The following TRAPPC3L variants were observed in gnomAD, a reference collection of about 807,000 sequenced individuals.
TRAPPC3L encodes the protein trafficking protein particle complex subunit 3L.
In TRAPPC3L, 23 loss-of-function variants were observed where a neutral mutation model predicts 23.7. That is an observed-to-expected ratio of 0.97 (90% CI 0.70 to 1.37). The LOEUF (loss-of-function observed/expected upper bound fraction) is 1.37, where lower values mean the gene tolerates loss of function less well. Ranked by LOEUF, TRAPPC3L falls within the 40% of genes most tolerant of loss-of-function variation. The pLI is 0.00. For synonymous variants in TRAPPC3L, 81 were observed against 77.9 expected, an observed-to-expected ratio of 1.04 and a Z score of -0.21; for missense variants, 212 against 216.8, an observed-to-expected ratio of 0.98 and a Z score of 0.14.
rs532429144 is a variant in TRAPPC3L, at chr6:116,539,924, T to A, written c.240+439A>T. ...TATGAAAGTTCTTAGAACAAATATA[T>A]TTACAGGAAGTTCTGTTTTTCTCTT... On this transcript the variant is annotated intron_variant, in intron 3 of 4. Transcript: ENST00000368602. 2.0e-5 allele frequency among the ~76,000 whole-genome samples: 3 copies of A among 152,322 alleles called. No individual in the cohort carries two copies. In the South Asian group the frequency reaches 6.2e-4, roughly 32 times the overall value.
At chr6:116,515,984 A>G in intron 3 of TRAPPC3L, 1 of 1,587,270 alleles carries the variant, frequency 6.3e-7, no homozygotes, top group Non-Finnish European at 8.6e-7. Flanking sequence ...TGCCCACAAT[A>G]TGTAGCTCAT....
At chr6:116,521,883 T>C (rs1279925618) in intron 3 of TRAPPC3L, 3 of 152,168 alleles carry the variant, frequency 2.0e-5, no homozygotes, top group African/African-American at 7.2e-5. Context: ...TGTTAAGCAG[T>C]ATCACAGTTT....
At chr6:116,506,145 T>C (rs954731019) in intron 3 of TRAPPC3L, among the ~76,000 whole-genome samples, 1 of 151,964 alleles carries the variant, frequency 6.6e-6, no homozygotes, top group African/African-American at 2.4e-5. Context: ...ATATCCAGAG[T>C]CTACAAAGAA....
chr6:116,543,847 A>T (rs1320772326), intron 1 of TRAPPC3L: 11 of 1,534,134 alleles, frequency 7.2e-6, no homozygotes, highest in South Asian at 1.2e-5. Flanking sequence ...GACCTTCAGG[A>T]TAAACCCAAA....
At chr6:116,543,456 T>TC in intron 1 of TRAPPC3L, 56 bp from the exon 2 acceptor site, 3 of 1,356,864 alleles carry the variant, frequency 2.2e-6, no homozygotes, top group Non-Finnish European at 3.0e-6. Flanking sequence ...TATACTACTG[T>TC]ATTTCTTTTG....
Position 116,543,657 on chromosome 6 carries a change from C to T in TRAPPC3L, c.43-257G>A, listed in dbSNP as rs115698346. ...ATGATAACATCTTTCTATGCATTTGCTTACATGATAACTTGCAATGTATTT... is the reference window on the plus strand; with the variant it reads ...ATGATAACATCTTTCTATGCATTTGTTTACATGATAACTTGCAATGTATTT... On this transcript the variant is annotated intron_variant, in intron 1 of 4. Coordinates refer to ENST00000368602, the MANE Select transcript of TRAPPC3L (RefSeq NM_001139444.3). 1.6e-3 allele frequency: 1,140 copies of T among 705,892 alleles called. 10 individuals carry two copies. The African/African-American group carries it at 0.018, about 11-fold the overall frequency. 43.7% of individuals were successfully genotyped at this position (705,892 alleles called of 1,614,324 possible). A position where few individuals can be genotyped will look rare whatever the true frequency, so the allele number is the denominator to read the frequency against.
At chr6:116,509,582 A>T (rs1357065825) in intron 3 of TRAPPC3L, among the ~76,000 whole-genome samples, 2 of 152,126 alleles carry the variant, frequency 1.3e-5, no homozygotes, top group African/African-American at 4.8e-5. Flanking sequence ...GGGAAAGGAC[A>T]CTGTATCCAT....
rs149311715 is a variant in TRAPPC3L at position 116,527,307 on chromosome 6, G to T, written c.240+13056C>A. 2.3e-3 allele frequency among the ~76,000 whole-genome samples: 345 copies of T among 152,182 alleles called. 1 individual carries two copies. Among genetic ancestry groups the T allele is most frequent in the African/African-American group, 7.9e-3 (328 of 41,528 alleles). On this transcript the variant is annotated intron_variant, in intron 3 of 4. Transcript: ENST00000368602. Reference sequence around the variant, plus strand: ...CCGAGACGGACGAATCACGAGGTCAGGAGATCGAGACCATCCTGGCTAACA... The same window carrying T: ...CCGAGACGGACGAATCACGAGGTCATGAGATCGAGACCATCCTGGCTAACA...
chr6:116,500,553 CTCTTCCACAAACTCCACCAGGGGAT>C lies in TRAPPC3L; in HGVS notation c.329_353del (p.Asn110SerfsTer39). ...ACAGAGAAGATCGCCCAGCAGGGAG[CTCTTCCACAAACTCCACCAGGGGAT>C]TCTTCTCTAGAATCAGGGAAAATTC... On this transcript the variant is annotated frameshift_variant, in exon 4 of 5. Transcript: ENST00000368602. LOFTEE classifies it high-confidence loss of function. 1 of 1,551,672 alleles carries C rather than the reference CTCTTCCACAAACTCCACCAGGGGAT, an allele frequency of 6.4e-7. No homozygotes were observed. The highest frequency in any genetic ancestry group is 2.0e-5 in the Admixed American group (1 of 51,002).
rs150860386 is a variant in TRAPPC3L, at chr6:116,538,902, G to C, written c.240+1461C>G. ...GTGCCACCACGCCCGGCTAATTTTT[G>C]TATTTTTTTGTAGAGGTGGGATTTC... On this transcript the variant is annotated intron_variant, in intron 3 of 4. Coordinates refer to ENST00000368602, the MANE Select transcript of TRAPPC3L (RefSeq NM_001139444.3). Among the ~76,000 whole-genome samples the C allele has an allele frequency of 4.1e-3, 629 of 151,944 alleles. 5 individuals carry two copies. The highest frequency in any genetic ancestry group is 0.014 in the African/African-American group (589 of 41,440).
At chr6:116,506,088 C>T (rs1772002643) in intron 3 of TRAPPC3L, among the ~76,000 whole-genome samples, 1 of 152,180 alleles carries the variant, frequency 6.6e-6, no homozygotes, top group Non-Finnish European at 1.5e-5. Flanking sequence ...AGGCAACCTA[C>T]AGAATGGGAG....
chr6:116,501,785 G>C (rs182937251), intron 3 of TRAPPC3L, among the ~76,000 whole-genome samples: 1 of 152,350 alleles, frequency 6.6e-6, no homozygotes, highest in Admixed American at 6.5e-5. Flanking sequence ...TGAGGTGCCT[G>C]TCTGTTAGAA....
chr6:116,534,830 T>C (rs1583286828), intron 3 of TRAPPC3L, among the ~76,000 whole-genome samples: 1 of 152,202 alleles, frequency 6.6e-6, no homozygotes, highest in African/African-American at 2.4e-5. Context: ...TTCCAACAAG[T>C]ACAGTATATT....
intron 4 of TRAPPC3L, 77 bp from the exon 5 acceptor site, chr6:116,497,150 G>T (rs1771845039): frequency 1.4e-6 from 2 of 1,473,036 alleles, no homozygotes; most frequent in Non-Finnish European, 1.8e-6. Flanking sequence ...TCTTTTTTCA[G>T]CTTTCTTTAC....
chr6:116,540,218 A>C (rs775047683), intron 3 of TRAPPC3L, 145 bp downstream of exon 3: 10 of 757,004 alleles, frequency 1.3e-5, no homozygotes, highest in Non-Finnish European at 1.9e-5. Context: ...GTGCTGAAAT[A>C]AAATGCTTTT....
intron 3 of TRAPPC3L, among the ~76,000 whole-genome samples, chr6:116,507,615 A>C (rs34847786): frequency 0.41 from 62,533 of 151,794 alleles, 13,731 homozygotes; most frequent in East Asian, 0.56. Context: ...TTTAAAAAAA[A>C]CATAATATAT....
chr6:116,497,176 A>AT, intron 4 of TRAPPC3L, 103 bp from the exon 5 acceptor site: 1 of 1,416,034 alleles, frequency 7.1e-7, no homozygotes, highest in Non-Finnish European at 9.4e-7. Context: ...TTAAGAAATG[A>AT]TTTTTAAAAA....
chr6:116,519,573 A>G (rs1772292967), intron 3 of TRAPPC3L: 1 of 152,196 alleles, frequency 6.6e-6, no homozygotes. Flanking sequence ...TTCTAGGTCT[A>G]GACTTGAAGC....
At chr6:116,534,529 C>T (rs1231356712) in intron 3 of TRAPPC3L, among the ~76,000 whole-genome samples, 1 of 152,184 alleles carries the variant, frequency 6.6e-6, no homozygotes, top group African/African-American at 2.4e-5. Context: ...TCAAATGGAA[C>T]ATTTTATTGA....
Sources: gnomAD v4.1 joint callset for allele counts (sites outside exome capture counted in the v4.1 genomes callset) on GRCh38, gnomAD v4.1.1 for gene constraint, MANE v1.5 for transcripts, NCBI Gene and HGNC (gene_info 2026-07-23, HGNC 2026-07-21) for gene names.